The following PRR16 variants were observed in gnomAD, a reference collection of about 807,000 sequenced individuals.
PRR16 encodes the protein protein Largen.
A neutral mutation model predicts 18.2 loss-of-function variants in PRR16; 6 were observed. The ratio of observed to expected loss-of-function variants is 0.33; its 90% CI spans 0.18 to 0.65. The LOEUF is 0.65. Among genes scored for constraint, PRR16 ranks in the 30% least tolerant of loss-of-function variants. The probability of loss-of-function intolerance (pLI) is 0.74; values close to 1 mark genes in which losing one functional copy is unlikely to be tolerated. For synonymous variants in PRR16, 151 were observed against 147.8 expected (o/e 1.02, Z -0.16); for missense variants, 412 against 376.6 (o/e 1.09, Z -0.78).
chr5:120,593,606 C>T (rs927078192), intron 1 of PRR16, among the ~76,000 whole-genome samples: 2 of 152,058 alleles, frequency 1.3e-5, no homozygotes, highest in African/African-American at 4.8e-5. Flanking sequence ...CCTACTGAAA[C>T]TCTTCCAAAA....
At chr5:120,470,201 G>A (rs555388409) in intron 1 of PRR16, among the ~76,000 whole-genome samples, 7 of 152,066 alleles carry the variant, frequency 4.6e-5, no homozygotes, top group African/African-American at 9.7e-5. Context: ...CCAGTAGGTC[G>A]CTGATTCAAC....
chr5:120,560,994 C>G (rs1053941366), intron 1 of PRR16, among the ~76,000 whole-genome samples: 4 of 151,682 alleles, frequency 2.6e-5, no homozygotes, highest in Non-Finnish European at 4.4e-5. Context: ...ATTTTTGATT[C>G]TGTTTGTGTC....
the PRR16 span, among the ~76,000 whole-genome samples, chr5:120,773,205 C>A: frequency 6.6e-6 from 1 of 152,002 alleles, no homozygotes; most frequent in Non-Finnish European, 1.5e-5. Context: ...AGATTAGGTT[C>A]CCACATGAAT....
the PRR16 span, among the ~76,000 whole-genome samples, chr5:120,698,130 A>T: frequency 6.6e-6 from 1 of 152,026 alleles, no homozygotes; most frequent in Non-Finnish European, 1.5e-5. Flanking sequence ...GGAGAGACAG[A>T]GAATGGCCGA....
At chr5:120,609,355 A>G (rs1016827164) in intron 1 of PRR16, among the ~76,000 whole-genome samples, 5 of 151,754 alleles carry the variant, frequency 3.3e-5, no homozygotes, top group African/African-American at 1.2e-4. Context: ...ATAAATAAGG[A>G]CTCCCCACTT....
the PRR16 span, among the ~76,000 whole-genome samples, chr5:120,747,914 T>A: frequency 6.6e-6 from 1 of 152,096 alleles, no homozygotes; most frequent in African/African-American, 2.4e-5. Context: ...AATTAGAAAA[T>A]CTACATTTTG....
At chr5:120,529,539 T>G (rs1472893614) in intron 1 of PRR16, among the ~76,000 whole-genome samples, 1 of 152,184 alleles carries the variant, frequency 6.6e-6, no homozygotes, top group Non-Finnish European at 1.5e-5. Context: ...CAAACTCTGG[T>G]GATATTTATC....
intron 1 of PRR16, among the ~76,000 whole-genome samples, chr5:120,573,917 ATC>A (rs1491531649): frequency 6.7e-6 from 1 of 148,480 alleles, no homozygotes; most frequent in African/African-American, 2.5e-5. Flanking sequence ...ATATATATAT[ATC>A]AAACACCATT....
intron 1 of PRR16, among the ~76,000 whole-genome samples, chr5:120,597,055 A>G (rs1270606367): frequency 5.3e-5 from 8 of 151,578 alleles, no homozygotes; most frequent in Admixed American, 4.6e-4. Flanking sequence ...TATATTTTTA[A>G]TGTAATGAAT....
intron 1 of PRR16, among the ~76,000 whole-genome samples, chr5:120,535,311 T>G (rs527813198): frequency 3.9e-5 from 6 of 152,366 alleles, no homozygotes; most frequent in African/African-American, 1.4e-4. Flanking sequence ...GGAATTCTTG[T>G]GTACCCAAAT....
At chr5:120,748,641 T>G in the PRR16 span, among the ~76,000 whole-genome samples, 1 of 152,070 alleles carries the variant, frequency 6.6e-6, no homozygotes, top group South Asian at 2.1e-4. Context: ...TGGGAAAACT[T>G]ATAGAAGAAA....
At chr5:120,604,617 T>C (rs1442161081) in intron 1 of PRR16, among the ~76,000 whole-genome samples, 2 of 152,132 alleles carry the variant, frequency 1.3e-5, no homozygotes, top group African/African-American at 4.8e-5. Flanking sequence ...TATGTAGCCT[T>C]GATTGTATAG....
intron 1 of PRR16, among the ~76,000 whole-genome samples, chr5:120,616,344 C>G (rs1754510139): frequency 6.6e-6 from 1 of 152,146 alleles, no homozygotes; most frequent in Admixed American, 6.6e-5. Context: ...TGAGTGCAGC[C>G]TCACAGGCCA....
chr5:120,532,431 G>C (rs1380784542), intron 1 of PRR16, among the ~76,000 whole-genome samples: 1 of 151,498 alleles, frequency 6.6e-6, no homozygotes, highest in Non-Finnish European at 1.5e-5. Flanking sequence ...GAATGCTATG[G>C]GTGTTAAATA....
intron 1 of PRR16, among the ~76,000 whole-genome samples, chr5:120,533,756 C>T (rs775291268): frequency 6.6e-6 from 1 of 152,154 alleles, no homozygotes; most frequent in Non-Finnish European, 1.5e-5. Context: ...CTGGCTGTTG[C>T]AATCCTTGCA....
chr5:120,780,260 A>G, the PRR16 span, among the ~76,000 whole-genome samples: 1 of 152,202 alleles, frequency 6.6e-6, no homozygotes, highest in Non-Finnish European at 1.5e-5. Flanking sequence ...AAAAAGTTCA[A>G]TGTTAGCCTA....
chr5:120,674,268 A>T (rs899380811), intron 1 of PRR16, among the ~76,000 whole-genome samples: 1 of 152,060 alleles, frequency 6.6e-6, no homozygotes. Flanking sequence ...CCGCCCTCCA[A>T]AAAAGGCTGG....
At chr5:120,709,576 T>G in the PRR16 span, among the ~76,000 whole-genome samples, 1 of 152,084 alleles carries the variant, frequency 6.6e-6, no homozygotes, top group African/African-American at 2.4e-5. Context: ...AAACACTAGA[T>G]CTTATTCTTT....
the PRR16 span, among the ~76,000 whole-genome samples, chr5:120,760,183 T>C: frequency 6.6e-6 from 1 of 152,196 alleles, no homozygotes; most frequent in East Asian, 1.9e-4. Flanking sequence ...TATTTCTCAC[T>C]GTTGCAGTAA....
Sources: gnomAD v4.1 joint callset for allele counts (sites outside exome capture counted in the v4.1 genomes callset) on GRCh38, gnomAD v4.1.1 for gene constraint, MANE v1.5 for transcripts, NCBI Gene and HGNC (gene_info 2026-07-23, HGNC 2026-07-21) for gene names.